LGMN: variants seen among roughly 807,000 people sequenced by gnomAD.
LGMN encodes the protein legumain, also known as asparaginyl endopeptidase.
A neutral mutation model predicts 56.8 loss-of-function variants in LGMN; 36 were observed. The ratio of observed to expected loss-of-function variants is 0.63; its 90% confidence interval spans 0.49 to 0.84. The LOEUF (loss-of-function observed/expected upper bound fraction) is 0.84, where lower values mean the gene tolerates loss of function less well. Ranked by LOEUF, LGMN falls within the 40% of genes least tolerant of loss-of-function variation. LGMN has a pLI of 0.00. For synonymous variants in LGMN, 199 were observed against 210.1 expected (o/e 0.95, Z 0.46); for missense variants, 446 against 556.1 (o/e 0.80, Z 1.99).
intron 1 of LGMN, among the ~76,000 whole-genome samples, chr14:92,738,800 C>T (rs1038875722): frequency 2.6e-5 from 4 of 151,592 alleles, no homozygotes; most frequent in East Asian, 4.0e-4. Flanking sequence ...GTGGGCAGAT[C>T]GTGAGGTCAA....
At position 92,706,621 on chromosome 14, in the gene LGMN, C is replaced by T. The variant is rs759784224; in HGVS notation, c.1053G>A (p.Lys351=). ...CGGACGCTGCCAGCAAGGAGACGAT[C>T]TTACGCACTGACTTCTCAATGAGGT... is the stretch of plus-strand genomic sequence containing the variant. The part of the protein sequence containing the change: ...ARHLIEKSVR[K]IVSLLAASEA... Residue 351 remains lysine, a synonymous_variant, in exon 12 of 14, where the codon AAG becomes AAA. Transcript: ENST00000334869. 3.8e-6 allele frequency: 6 copies of T among 1,597,474 alleles called. No individual in the cohort carries two copies. Among genetic ancestry groups the T allele is most frequent in the Non-Finnish European group, 5.1e-6 (6 of 1,166,730 alleles).
At chr14:92,712,352 TACTATC>T (rs1391902072) in intron 8 of LGMN, among the ~76,000 whole-genome samples, 1 of 152,202 alleles carries the variant, frequency 6.6e-6, no homozygotes, top group Non-Finnish European at 1.5e-5. Flanking sequence ...AGCTACCACT[TACTATC>T]TCTCTACCAT....
chr14:92,729,596 T>G (rs1457254680), intron 2 of LGMN, among the ~76,000 whole-genome samples: 2 of 151,504 alleles, frequency 1.3e-5, no homozygotes, highest in Non-Finnish European at 2.9e-5. Context: ...TTAGCAATGA[T>G]TTATTTGTGC....
rs1889303988 is a variant in LGMN, at chr14:92,704,273, G to T, written c.*46C>A. On this transcript the variant is annotated 3_prime_UTR_variant, in exon 14 of 14. Coordinates refer to ENST00000334869, the MANE Select transcript of LGMN (RefSeq NM_005606.7). ...CTCTCCAGTCTCTGATCAGCACACA[G>T]TCGGTGGGGCGCTCACACTTGGAAA... is the stretch of plus-strand genomic sequence containing the variant. 1 of 1,613,772 alleles carries T rather than the reference G, an allele frequency of 6.2e-7. No individual in the cohort carries two copies. The highest frequency in any genetic ancestry group is 8.5e-7 in the Non-Finnish European group (1 of 1,179,724).
rs537182452 is a variant in LGMN at position 92,714,073 on chromosome 14, T to A, written c.481-188A>T. On this transcript the variant is annotated intron_variant, in intron 6 of 13. Transcript: ENST00000334869. This position sits in a 1 kb window ranked among gnomAD's most constrained non-coding sequence, Gnocchi z 5.1. ...CACGCATTTAAAAAGGGCAAGAGGA[T>A]GTACCTCTTCACCCATTACTTTGTC... Among the ~76,000 whole-genome samples the A allele has an allele frequency of 6.6e-6, 1 of 152,350 alleles. No individual in the cohort carries two copies. Among genetic ancestry groups the A allele is most frequent in the South Asian group, 2.1e-4 (1 of 4,826 alleles).
rs1225673113 is a variant in LGMN, at chr14:92,704,261, G to A, written c.*58C>T. The A allele has an allele frequency of 6.2e-7, 1 of 1,612,948 alleles. No homozygotes were observed. Among genetic ancestry groups the A allele is most frequent in the South Asian group, 1.1e-5 (1 of 91,052 alleles). On this transcript the variant is annotated 3_prime_UTR_variant, in exon 14 of 14. Transcript: ENST00000334869. ...TTCTCACTCCACCTCTCCAGTCTCT[G>A]ATCAGCACACAGTCGGTGGGGCGCT...
Position 92,714,994 on chromosome 14 carries a change from ATTT to A in LGMN, c.405-546_405-544del, listed in dbSNP as rs780256263. Among the ~76,000 whole-genome samples the A allele has an allele frequency of 1.6e-5, 2 of 127,372 alleles. No homozygotes were observed. The allele number at this position is 127,372 out of a possible 152,430, so 83.6% of individuals were successfully genotyped here. On this transcript the variant is annotated intron_variant, in intron 5 of 13. Transcript: ENST00000334869. The surrounding 1 kb of genome is among the most constrained non-coding windows in gnomAD (Gnocchi z 5.1). ...CTCACAGATGTCCATCTCCATACTA[ATTT>A]TTTTTTTTTTTTTTTTTTTGAGATG... is the stretch of plus-strand genomic sequence containing the variant.
rs1245462138 is a variant in LGMN, at chr14:92,732,758, C to T, written c.29G>A (p.Ser10Asn). The T allele has an allele frequency of 1.2e-6, 2 of 1,614,148 alleles. No homozygotes were observed. Among genetic ancestry groups the T allele is most frequent in the Non-Finnish European group, 1.7e-6 (2 of 1,180,024 alleles). Residue 10 changes from serine to asparagine, a missense_variant, in exon 2 of 14, where the codon AGT (serine) becomes AAT (asparagine). By Grantham distance (46) the Ser-to-Asn change is conservative. Coordinates refer to ENST00000334869, the MANE Select transcript of LGMN (RefSeq NM_005606.7). MVWKVAVFLSVALGIGAVPI... is the reference protein window; with the variant it reads MVWKVAVFLNVALGIGAVPI... ...AACGGCACCAATGCCCAGGGCCACA[C>T]TGAGGAATACAGCTACTTTCCAAAC...
chr14:92,739,037 A>C (rs1303338806), intron 1 of LGMN, among the ~76,000 whole-genome samples: 1 of 151,924 alleles, frequency 6.6e-6, no homozygotes, highest in Non-Finnish European at 1.5e-5. Flanking sequence ...AAAAACAAAA[A>C]AAACCCCACA....
chr14:92,715,787 A>G (rs1013834906), intron 5 of LGMN: 2 of 176,104 alleles, frequency 1.1e-5, no homozygotes, highest in African/African-American at 4.8e-5. Context: ...TGGCCCTGCA[A>G]TCTGGGCACA....
intron 1 of LGMN, among the ~76,000 whole-genome samples, chr14:92,739,088 G>T (rs1891436121): frequency 6.6e-6 from 1 of 151,588 alleles, no homozygotes; most frequent in Non-Finnish European, 1.5e-5. Context: ...AAATAGAAAG[G>T]CCTGGGGTGA....
rs377216432 is a variant in LGMN at position 92,704,681 on chromosome 14, G to A, written c.1218C>T (p.Tyr406=). The A allele has an allele frequency of 7.1e-5, 114 of 1,613,458 alleles. No individual in the cohort carries two copies. The highest frequency in any genetic ancestry group is 3.3e-4 in the Middle Eastern group (2 of 6,060). ...GCTTCTCACAAAGGTTGACCAGCAC[G>A]TACAAATGTCTCAACGCATACTCGT... ...PTYEYALRHL[Y]VLVNLCEKPY... Residue 406 remains tyrosine, a synonymous_variant, in exon 13 of 14, where the codon TAC becomes TAT. Coordinates refer to ENST00000334869, the MANE Select transcript of LGMN (RefSeq NM_005606.7).
At chr14:92,735,696 G>A (rs988469171) in intron 1 of LGMN, among the ~76,000 whole-genome samples, 1 of 152,112 alleles carries the variant, frequency 6.6e-6, no homozygotes, top group Non-Finnish European at 1.5e-5. Context: ...TTCTTAATCC[G>A]AAAGCCTGAA....
At chr14:92,747,952 G>A (rs1013594868) in intron 1 of LGMN, among the ~76,000 whole-genome samples, 2 of 152,150 alleles carry the variant, frequency 1.3e-5, no homozygotes, top group Admixed American at 1.3e-4. Flanking sequence ...ATTGAAGCGG[G>A]TGGTCCTGAA....
chr14:92,708,855 T>TAAAAAAAAAA (rs1889578533), intron 11 of LGMN, among the ~76,000 whole-genome samples: 2 of 25,926 alleles, frequency 7.7e-5, no homozygotes, highest in Admixed American at 1.1e-3. Context: ...GACTCTTGTC[T>TAAAAAAAAAA]CAAAAAAAAA....
Position 92,714,412 on chromosome 14 carries a change from A to G in LGMN, c.444T>C (p.His148=), listed in dbSNP as rs776492643. The part of the protein sequence containing the change: ...QDHVFIYFTD[H]GSTGILVFPN... ...GAAAAACCAGTATTCCAGTAGATCC[A>G]TGGTCAGTGAAGTAAATGAACACGT... is the stretch of plus-strand genomic sequence containing the variant. Residue 148 remains histidine (H), a synonymous_variant, in exon 6 of 14, where the codon CAT becomes CAC. Coordinates refer to ENST00000334869, the MANE Select transcript of LGMN (RefSeq NM_005606.7). The surrounding 1 kb of genome is among the most constrained non-coding windows in gnomAD (Gnocchi z 5.1). The G allele has an allele frequency of 9.3e-6, 15 of 1,612,504 alleles. No homozygotes were observed. The highest frequency in any genetic ancestry group is 1.3e-5 in the Non-Finnish European group (15 of 1,178,524).
rs543467326 is a variant in LGMN, at chr14:92,706,241, A to G, written c.1191+242T>C. ...AACACAAGTAACTGTTCTTCAAACT[A>G]GAAGTGAGAGCTGTCATCTATGGCT... On this transcript the variant is annotated intron_variant, in intron 12 of 13. Transcript: ENST00000334869. The G allele has an allele frequency of 9.0e-4, 360 of 399,580 alleles. 2 individuals are homozygous for G. The highest frequency in any genetic ancestry group is 3.7e-3 in the South Asian group (38 of 10,192). The allele number at this position is 399,580 out of a possible 1,614,324, so 24.8% of individuals were successfully genotyped here. A position where few individuals can be genotyped will look rare whatever the true frequency, so the allele number is the denominator to read the frequency against.
rs1350372068 is a variant in LGMN, at chr14:92,704,675, C to T, written c.1224G>A (p.Leu408=). The change falls in exon 13 of 14, where the codon CTG becomes CTA. Residue 408 remains leucine, a synonymous_variant. Coordinates refer to ENST00000334869, the MANE Select transcript of LGMN (RefSeq NM_005606.7). ...YEYALRHLYV[L]VNLCEKPYPL... ...GATACGGCTTCTCACAAAGGTTGACCAGCACGTACAAATGTCTCAACGCAT... is the reference window on the plus strand; with the variant it reads ...GATACGGCTTCTCACAAAGGTTGACTAGCACGTACAAATGTCTCAACGCAT... 1 of 1,613,712 alleles carries T rather than the reference C, an allele frequency of 6.2e-7. No homozygotes were observed. The highest frequency in any genetic ancestry group is 1.1e-5 in the South Asian group (1 of 91,072).
At chr14:92,719,916 C>T (rs952860113) in intron 2 of LGMN, among the ~76,000 whole-genome samples, 7 of 152,218 alleles carry the variant, frequency 4.6e-5, no homozygotes, top group African/African-American at 9.6e-5. Context: ...TAAGGAGAGG[C>T]GTGTGCCCAG....
Sources: gnomAD v4.1 joint callset for allele counts (sites outside exome capture counted in the v4.1 genomes callset) on GRCh38, gnomAD v4.1.1 for gene constraint, Gnocchi (gnomAD v3.1) non-coding constraint, MANE v1.5 for transcripts, NCBI Gene and HGNC (gene_info 2026-07-23, HGNC 2026-07-21) for gene names.